Variants in PEX7 observed in about 807,000 individuals in gnomAD.
PEX7 encodes the protein peroxisomal biogenesis factor 7.
A neutral mutation model predicts 47.5 loss-of-function variants in PEX7; 34 were observed. That is an observed-to-expected ratio of 0.72 (90% CI 0.54 to 0.95). PEX7 has a LOEUF of 0.95. PEX7 is among the 40% of genes least tolerant of loss of function. The probability of loss-of-function intolerance (pLI) is 0.00; values close to 1 mark genes in which losing one functional copy is unlikely to be tolerated. For missense variants in PEX7, 394 were observed against 400.3 expected (o/e 0.98, Z 0.13); for synonymous variants, 141 against 148.8 (o/e 0.95, Z 0.38).
At chr6:136,823,118 G>C in intron 1 of PEX7, 1 of 985,446 alleles carries the variant, frequency 1.0e-6, no homozygotes, top group Non-Finnish European at 1.2e-6. Context: ...GGGAGAGCCG[G>C]GGGAGCCTGC....
chr6:136,911,559 C>A (rs1379673678), intron 9 of PEX7, among the ~76,000 whole-genome samples: 6 of 152,092 alleles, frequency 3.9e-5, no homozygotes, highest in Admixed American at 2.6e-4. Context: ...GTGCACACCA[C>A]CACACCTGGC....
At chr6:136,903,785 A>G (rs1332939497) in intron 9 of PEX7, among the ~76,000 whole-genome samples, 5 of 146,322 alleles carry the variant, frequency 3.4e-5, no homozygotes, top group African/African-American at 1.3e-4. Context: ...TCAAGCCTCC[A>G]CTCCCACCCT....
intron 5 of PEX7, among the ~76,000 whole-genome samples, chr6:136,847,462 G>T (rs1774627875): frequency 6.6e-6 from 1 of 151,822 alleles, no homozygotes; most frequent in Non-Finnish European, 1.5e-5. Flanking sequence ...TTCTTCTAGG[G>T]TTTTTATGGT....
At chr6:136,855,121 C>G (rs1189176375) in intron 5 of PEX7, among the ~76,000 whole-genome samples, 1 of 151,522 alleles carries the variant, frequency 6.6e-6, no homozygotes, top group Non-Finnish European at 1.5e-5. Flanking sequence ...TGCTTCTGTT[C>G]TAGTGAAACA....
chr6:136,837,418 AAAGAAGTAGAAGC>A (rs1284584160), intron 3 of PEX7, among the ~76,000 whole-genome samples: 1 of 151,968 alleles, frequency 6.6e-6, no homozygotes. Context: ...TTATGAGAAT[AAAGAAGTAGAAGC>A]GATCTTAAAG....
At chr6:136,859,733 C>T (rs1022901256) in intron 5 of PEX7, among the ~76,000 whole-genome samples, 10 of 152,072 alleles carry the variant, frequency 6.6e-5, no homozygotes, top group African/African-American at 2.2e-4. Context: ...TTTAAATTCA[C>T]TGGTTCTGGC....
chr6:136,874,846 A>T (rs28377304), intron 8 of PEX7, among the ~76,000 whole-genome samples: 2,388 of 152,000 alleles, frequency 0.016, 72 homozygotes, highest in African/African-American at 0.055. Context: ...ATCAATTAGA[A>T]CTACTTTTTT....
intron 7 of PEX7, among the ~76,000 whole-genome samples, chr6:136,870,324 T>C (rs1291392854): frequency 2.6e-5 from 4 of 152,250 alleles, no homozygotes; most frequent in Non-Finnish European, 4.4e-5. Context: ...TTATGTTCTT[T>C]ATAAGTTTCT....
intron 8 of PEX7, among the ~76,000 whole-genome samples, chr6:136,880,196 T>C (rs1393628148): frequency 2.6e-5 from 4 of 152,164 alleles, no homozygotes; most frequent in African/African-American, 9.7e-5. Flanking sequence ...TGTGTATGTG[T>C]GTGTTTTTAA....
At chr6:136,840,884 G>A (rs954533220) in intron 3 of PEX7, among the ~76,000 whole-genome samples, 12 of 152,022 alleles carry the variant, frequency 7.9e-5, no homozygotes, top group Non-Finnish European at 1.8e-4. Context: ...TCAAGTCTCT[G>A]CACAGAGAGG....
intron 3 of PEX7, among the ~76,000 whole-genome samples, chr6:136,839,579 T>C (rs2115158229): frequency 1.3e-5 from 2 of 152,320 alleles, no homozygotes; most frequent in African/African-American, 4.8e-5. Context: ...AGGACCCTGC[T>C]CTTAAAGCAT....
At chr6:136,912,968 G>A (rs1020286602) in intron 9 of PEX7, among the ~76,000 whole-genome samples, 1 of 152,156 alleles carries the variant, frequency 6.6e-6, no homozygotes, top group African/African-American at 2.4e-5. Flanking sequence ...GTCTGACACT[G>A]TCCCAGCTGG....
chr6:136,908,437 A>G (rs1042750894), intron 9 of PEX7, among the ~76,000 whole-genome samples: 17 of 151,124 alleles, frequency 1.1e-4, no homozygotes, highest in African/African-American at 4.1e-4. Flanking sequence ...TTGACAAACC[A>G]TTTTTTTTTC....
At chr6:136,901,580 G>C (rs1775755235) in intron 9 of PEX7, 1 of 152,288 alleles carries the variant, frequency 6.6e-6, no homozygotes, top group Non-Finnish European at 1.5e-5. Flanking sequence ...AAGAGGGCAA[G>C]AGCAAAAGCT....
At chr6:136,834,771 G>A (rs1206724145) in intron 3 of PEX7, among the ~76,000 whole-genome samples, 2 of 149,886 alleles carry the variant, frequency 1.3e-5, no homozygotes, top group Admixed American at 6.6e-5. Flanking sequence ...CACACTGTGG[G>A]CAGAAAACAG....
chr6:136,885,845 T>C (rs563124555), intron 8 of PEX7, among the ~76,000 whole-genome samples: 1 of 152,334 alleles, frequency 6.6e-6, no homozygotes, highest in East Asian at 1.9e-4. Context: ...GGAGCCAGAC[T>C]GCCTTCTACT....
rs1488125677 is a variant in PEX7 at position 136,866,750 on chromosome 6, T to TA, written c.633+18dup. 1 of 1,564,932 alleles carries TA rather than the reference T, an allele frequency of 6.4e-7. No homozygotes were observed. The highest frequency in any genetic ancestry group is 8.8e-7 in the Non-Finnish European group (1 of 1,135,296). On this transcript the variant is annotated intron_variant, in intron 6 of 9. Transcript: ENST00000318471. ...TACAATGAGGTATAGTGTATGGCTC[T>TA]ATCCTATGCTGCTGTCCTTCCTAAT...
intron 9 of PEX7, among the ~76,000 whole-genome samples, chr6:136,899,784 A>G (rs1009293549): frequency 2.6e-5 from 4 of 152,258 alleles, no homozygotes; most frequent in Non-Finnish European, 5.9e-5. Context: ...AAATGACTTA[A>G]TAGGATATAA....
At chr6:136,842,871 A>G (rs1238054657) in intron 3 of PEX7, among the ~76,000 whole-genome samples, 1 of 152,190 alleles carries the variant, frequency 6.6e-6, no homozygotes, top group Admixed American at 6.5e-5. Flanking sequence ...GGGGAGGCTT[A>G]TTTCGTAAGG....
Sources: gnomAD v4.1 joint callset for allele counts (sites outside exome capture counted in the v4.1 genomes callset) on GRCh38, gnomAD v4.1.1 for gene constraint, MANE v1.5 for transcripts, NCBI Gene and HGNC (gene_info 2026-07-23, HGNC 2026-07-21) for gene names.